KLHL29: variants seen among roughly 807,000 people sequenced by gnomAD.
KLHL29 encodes kelch like family member 29.
In KLHL29, 21 loss-of-function variants were observed where a neutral mutation model predicts 80.4. The ratio of observed to expected loss-of-function variants is 0.26; its 90% confidence interval spans 0.19 to 0.38. The LOEUF is 0.38. KLHL29 is among the 10% of genes least tolerant of loss of function. The probability of loss-of-function intolerance (pLI) is 1.00; values close to 1 mark genes in which losing one functional copy is unlikely to be tolerated. For missense variants in KLHL29, 867 were observed against 1,223.9 expected (o/e 0.71, Z 4.35); for synonymous variants, 511 against 526.8 (o/e 0.97, Z 0.41).
In KLHL29 at chr2:23,661,996, A is replaced by G. The variant is rs575445344; in HGVS notation, c.940+19146A>G. Among the ~76,000 whole-genome samples, 3 of 152,212 alleles carry G rather than the reference A, an allele frequency of 2.0e-5. No individual in the cohort carries two copies. In the South Asian group the frequency reaches 6.2e-4, roughly 32 times the overall value. On this transcript the variant is annotated intron_variant, in intron 5 of 13. Coordinates refer to ENST00000486442, the MANE Select transcript of KLHL29 (RefSeq NM_052920.2). Reference sequence around the variant, plus strand: ...GTAGATGCTCAGTAAACACTTTTTGAGTGTATGAGTGAATGAATAGCTCCA... The same window carrying G: ...GTAGATGCTCAGTAAACACTTTTTGGGTGTATGAGTGAATGAATAGCTCCA...
At chr2:23,557,210 C>T (rs535664066) in intron 2 of KLHL29, among the ~76,000 whole-genome samples, 2 of 152,346 alleles carry the variant, frequency 1.3e-5, no homozygotes, top group African/African-American at 2.4e-5. Flanking sequence ...CCCTCAACAC[C>T]GCTCTGGGCA....
chr2:23,696,522 G>GCCAC lies in KLHL29; in HGVS notation c.2105+10_2105+13dup, dbSNP rs1558447018. 1 of 1,512,908 alleles carries GCCAC rather than the reference G, an allele frequency of 6.6e-7. No homozygotes were observed. The highest frequency in any genetic ancestry group is 1.4e-5 in the African/African-American group (1 of 72,516). The allele number at this position is 1,512,908 out of a possible 1,614,324, so 93.7% of individuals were successfully genotyped here. ...GTGGACCACGTGGAGAGGTAATGAG[G>GCCAC]CCACGGTCAGGACAGGGGCATGCTC... On this transcript the variant is annotated intron_variant, in intron 11 of 13. Transcript: ENST00000486442. The surrounding 1 kb of genome is among the most constrained non-coding windows in gnomAD (Gnocchi z 5.5).
intron 3 of KLHL29, among the ~76,000 whole-genome samples, chr2:23,622,290 C>T (rs1355013094): frequency 1.3e-5 from 2 of 152,194 alleles, no homozygotes; most frequent in Admixed American, 1.3e-4. Flanking sequence ...TGTTCATGCC[C>T]ACACCCCTCA....
intron 2 of KLHL29, among the ~76,000 whole-genome samples, chr2:23,508,089 C>A (rs1400860308): frequency 6.6e-6 from 1 of 152,184 alleles, no homozygotes; most frequent in Non-Finnish European, 1.5e-5. Context: ...GGGTCTGAGG[C>A]CCCTAAGACC....
chr2:23,582,844 T>C (rs1434069256), intron 3 of KLHL29, among the ~76,000 whole-genome samples: 6 of 152,120 alleles, frequency 3.9e-5, no homozygotes, highest in Admixed American at 2.0e-4. Context: ...CCCAGCCAAA[T>C]ATATGTCCAC....
chr2:23,638,600 G>A (rs964729746), intron 3 of KLHL29, among the ~76,000 whole-genome samples: 2 of 152,278 alleles, frequency 1.3e-5, no homozygotes, highest in South Asian at 4.2e-4. Context: ...GGCCTCAGAG[G>A]CTGGTGTGGG....
At chr2:23,471,710 T>G (rs1000011375) in intron 1 of KLHL29, among the ~76,000 whole-genome samples, 3 of 152,292 alleles carry the variant, frequency 2.0e-5, no homozygotes, top group Admixed American at 6.5e-5. Context: ...TTGATGAAAT[T>G]AGTGGAAGGG....
intron 2 of KLHL29, among the ~76,000 whole-genome samples, chr2:23,548,097 T>C (rs1395674921): frequency 3.3e-5 from 5 of 152,030 alleles, no homozygotes; most frequent in African/African-American, 1.2e-4. Context: ...CTGGGGACAC[T>C]GAGATAAGGA....
Position 23,696,547 on chromosome 2 carries a change from C to T in KLHL29, c.2105+34C>T, listed in dbSNP as rs1671970022. The T allele has an allele frequency of 6.9e-7, 1 of 1,453,974 alleles. No individual in the cohort carries two copies. Among genetic ancestry groups the T allele is most frequent in the Non-Finnish European group, 9.2e-7 (1 of 1,092,450 alleles). 90.1% of individuals were successfully genotyped at this position (1,453,974 alleles called of 1,614,324 possible). ...GCCACGGTCAGGACAGGGGCATGCT[C>T]TTTGCTCACCAAGAACTGAAATCAC... On this transcript the variant is annotated intron_variant, in intron 11 of 13. Coordinates refer to ENST00000486442, the MANE Select transcript of KLHL29 (RefSeq NM_052920.2). This position sits in a 1 kb window ranked among gnomAD's most constrained non-coding sequence, Gnocchi z 5.5.
At chr2:23,639,845 C>T (rs988632850) in intron 4 of KLHL29, among the ~76,000 whole-genome samples, 1 of 152,138 alleles carries the variant, frequency 6.6e-6, no homozygotes, top group African/African-American at 2.4e-5. Context: ...CAGGAGACCC[C>T]CTTCATCCCC....
intron 1 of KLHL29, among the ~76,000 whole-genome samples, chr2:23,440,137 T>C (rs1663469867): frequency 6.6e-6 from 1 of 152,146 alleles, no homozygotes. Flanking sequence ...TTGCAACCCC[T>C]GCCTTTTTTT....
At chr2:23,507,512 G>A (rs1351680623) in intron 2 of KLHL29, among the ~76,000 whole-genome samples, 9 of 152,166 alleles carry the variant, frequency 5.9e-5, no homozygotes, top group South Asian at 2.1e-4. Flanking sequence ...AGCTGGCTTC[G>A]GGGATGTCAC....
At chr2:23,556,862 A>G (rs780660062) in intron 2 of KLHL29, among the ~76,000 whole-genome samples, 24 of 152,246 alleles carry the variant, frequency 1.6e-4, no homozygotes, top group African/African-American at 5.8e-4. Context: ...CCGTGAATAC[A>G]AGATTTTTCT....
intron 3 of KLHL29, among the ~76,000 whole-genome samples, chr2:23,626,100 T>C (rs183505610): frequency 4.7e-4 from 72 of 151,752 alleles, no homozygotes; most frequent in African/African-American, 1.6e-3. Context: ...GTAGGAGGAG[T>C]TGGGGGGGCA....
chr2:23,675,126 C>T (rs889862), intron 5 of KLHL29, among the ~76,000 whole-genome samples: 92,226 of 152,092 alleles, frequency 0.61, 30,043 homozygotes, highest in East Asian at 0.93. Context: ...CGGCCCTGCC[C>T]GCACCCCATG....
chr2:23,502,299 C>A (rs551759340), intron 2 of KLHL29, among the ~76,000 whole-genome samples: 1 of 152,354 alleles, frequency 6.6e-6, no homozygotes, highest in South Asian at 2.1e-4. Flanking sequence ...AGAGAGAGGC[C>A]TACTCATCGG....
intron 1 of KLHL29, among the ~76,000 whole-genome samples, chr2:23,449,349 C>T (rs1320268550): frequency 6.6e-6 from 1 of 152,178 alleles, no homozygotes; most frequent in Non-Finnish European, 1.5e-5. Flanking sequence ...ACAATGCTGC[C>T]TAACAAGTCA....
chr2:23,408,628 A>C (rs1666790195), intron 1 of KLHL29, among the ~76,000 whole-genome samples: 1 of 152,184 alleles, frequency 6.6e-6, no homozygotes, highest in South Asian at 2.1e-4. Flanking sequence ...TTGTACATTG[A>C]TTTTGTATCT....
chr2:23,547,107 G>T (rs1253236493), intron 2 of KLHL29, among the ~76,000 whole-genome samples: 1 of 152,184 alleles, frequency 6.6e-6, no homozygotes, highest in Admixed American at 6.5e-5. Flanking sequence ...AGGAGGGCCG[G>T]CACCGGGTCT....
Sources: allele counts gnomAD v4.1 joint callset (sites outside exome capture counted in the v4.1 genomes callset), GRCh38; gene constraint gnomAD v4.1.1; non-coding constraint Gnocchi (gnomAD v3.1); transcripts MANE v1.5; gene names NCBI Gene and HGNC (gene_info 2026-07-23, HGNC 2026-07-21).